Variants in RIT2 observed in about 807,000 individuals in gnomAD.
The protein encoded by RIT2 is GTP-binding protein Rit2.
RIT2 carries 24 observed loss-of-function variants against 23.7 expected under a neutral mutation model. The observed-to-expected ratio is 1.01, with a 90% confidence interval of 0.73 to 1.43. The LOEUF is 1.43. RIT2 is among the 40% of genes most tolerant of loss of function. The pLI is 0.00. For missense variants in RIT2, 236 were observed against 266.9 expected (o/e 0.88, Z 0.81); for synonymous variants, 107 against 91.1 (o/e 1.17, Z -0.99).
At chr18:42,974,928 C>T (rs1945004) in intron 2 of RIT2, among the ~76,000 whole-genome samples, 39,153 of 151,944 alleles carry the variant, frequency 0.26, 5,609 homozygotes, top group African/African-American at 0.36. Context: ...AGACATTTGA[C>T]ATTTATGGAC....
chr18:43,003,546 T>C lies in RIT2; in HGVS notation c.161-29399A>G, dbSNP rs138238744. ...ATTCACTGAATTAAAAATAAATTCA[T>C]TCAGTGTTAATCACATCTATTTCTT... is the stretch of plus-strand genomic sequence containing the variant. On this transcript the variant is annotated intron_variant, in intron 2 of 4. Coordinates refer to ENST00000326695, the MANE Select transcript of RIT2 (RefSeq NM_002930.4). Among the ~76,000 whole-genome samples the C allele has an allele frequency of 4.4e-3, 667 of 152,028 alleles. 4 individuals carry two copies. The highest frequency in any genetic ancestry group is 0.015 in the African/African-American group (629 of 41,520).
intron 1 of RIT2, among the ~76,000 whole-genome samples, chr18:43,105,880 A>T (rs1913810704): frequency 6.6e-6 from 1 of 152,178 alleles, no homozygotes; most frequent in Non-Finnish European, 1.5e-5. Flanking sequence ...AGTTCACATT[A>T]TTCTGTCATC....
chr18:42,884,331 C>T (rs1328618817), intron 4 of RIT2, among the ~76,000 whole-genome samples: 5 of 152,200 alleles, frequency 3.3e-5, no homozygotes, highest in African/African-American at 1.2e-4. Context: ...TTAATGTCAA[C>T]AGTTGAGGTC....
intron 4 of RIT2, among the ~76,000 whole-genome samples, chr18:42,895,599 A>C (rs1016583031): frequency 6.6e-6 from 1 of 152,174 alleles, no homozygotes; most frequent in Non-Finnish European, 1.5e-5. Context: ...CTATGTAAAA[A>C]TCTGATTGGA....
At chr18:42,909,345 G>A (rs1259991471) in intron 4 of RIT2, among the ~76,000 whole-genome samples, 2 of 151,960 alleles carry the variant, frequency 1.3e-5, no homozygotes, top group African/African-American at 4.8e-5. Context: ...AGTAGGGTGA[G>A]GAATAAAAGA....
chr18:42,765,790 G>T (rs889092581), intron 4 of RIT2, among the ~76,000 whole-genome samples: 2 of 152,136 alleles, frequency 1.3e-5, no homozygotes, highest in Admixed American at 6.5e-5. Flanking sequence ...AACTTGAATT[G>T]TATCTCCCAG....
chr18:42,919,634 A>C (rs143316370), intron 4 of RIT2, among the ~76,000 whole-genome samples: 135 of 152,152 alleles, frequency 8.9e-4, no homozygotes, highest in African/African-American at 3.1e-3. Flanking sequence ...GAATCACTTG[A>C]AGCTGGGAGG....
At chr18:42,974,007 T>C in intron 3 of RIT2, 67 bp downstream of exon 3, 3 of 1,006,858 alleles carry the variant, frequency 3.0e-6, no homozygotes, top group East Asian at 2.6e-5. Flanking sequence ...TCCTTTGTTG[T>C]AAATATATTT....
chr18:43,008,172 C>T (rs972195301), intron 2 of RIT2, among the ~76,000 whole-genome samples: 1 of 151,512 alleles, frequency 6.6e-6, no homozygotes. Context: ...CAATGGATAA[C>T]AGTAGAGAGC....
intron 3 of RIT2, among the ~76,000 whole-genome samples, chr18:42,928,613 G>GA (rs1311051704): frequency 2.0e-5 from 3 of 151,794 alleles, no homozygotes; most frequent in Non-Finnish European, 4.4e-5. Flanking sequence ...TGAAAATACA[G>GA]AAAAAATTAT....
intron 1 of RIT2, among the ~76,000 whole-genome samples, chr18:43,080,634 TA>T (rs1239483825): frequency 6.6e-6 from 1 of 152,236 alleles, no homozygotes; most frequent in Non-Finnish European, 1.5e-5. Context: ...GCATTGACCT[TA>T]AATAATTTTT....
chr18:42,768,254 G>A (rs895799351), intron 4 of RIT2, among the ~76,000 whole-genome samples: 8 of 152,102 alleles, frequency 5.3e-5, no homozygotes, highest in Non-Finnish European at 1.2e-4. Context: ...TTGATGAGGA[G>A]TTACCATTAA....
intron 4 of RIT2, among the ~76,000 whole-genome samples, chr18:42,880,824 T>TTTTTTA (rs1907872092): frequency 1.3e-5 from 2 of 149,822 alleles, no homozygotes; most frequent in African/African-American, 4.9e-5. Flanking sequence ...TTTTTTTTTT[T>TTTTTTA]GAGACAGAAT....
chr18:42,955,799 C>T (rs568413316), intron 3 of RIT2, among the ~76,000 whole-genome samples: 11 of 152,310 alleles, frequency 7.2e-5, no homozygotes, highest in African/African-American at 2.6e-4. Flanking sequence ...AAGTCCAAAA[C>T]ATTTACTTCA....
At chr18:42,829,829 C>A (rs1001215286) in intron 4 of RIT2, among the ~76,000 whole-genome samples, 12 of 151,706 alleles carry the variant, frequency 7.9e-5, no homozygotes. Flanking sequence ...ATAAAAGATA[C>A]GTTATAATTT....
intron 1 of RIT2, among the ~76,000 whole-genome samples, chr18:43,107,686 G>A (rs1015963222): frequency 2.0e-5 from 3 of 152,056 alleles, no homozygotes; most frequent in African/African-American, 2.4e-5. Flanking sequence ...AGGCCCCCAG[G>A]GGTCTCTGAA....
chr18:42,848,290 A>G (rs1906962171), intron 4 of RIT2, among the ~76,000 whole-genome samples: 1 of 152,164 alleles, frequency 6.6e-6, no homozygotes, highest in Non-Finnish European at 1.5e-5. Context: ...CCTTCCTACA[A>G]AACACAACCT....
At chr18:42,948,445 C>T (rs1311364607) in intron 3 of RIT2, among the ~76,000 whole-genome samples, 2 of 151,912 alleles carry the variant, frequency 1.3e-5, no homozygotes, top group African/African-American at 4.8e-5. Context: ...ATCCTAGGGC[C>T]AGAATGAACA....
intron 1 of RIT2, among the ~76,000 whole-genome samples, chr18:43,061,924 C>T (rs868166706): frequency 5.3e-5 from 8 of 152,092 alleles, no homozygotes; most frequent in East Asian, 1.9e-4. Context: ...CACTGAGCTG[C>T]GGGCAGTGGG....
Sources: allele counts gnomAD v4.1 joint callset (sites outside exome capture counted in the v4.1 genomes callset), GRCh38; gene constraint gnomAD v4.1.1; transcripts MANE v1.5; gene names NCBI Gene and HGNC (gene_info 2026-07-23, HGNC 2026-07-21).